SMNDC1: variants seen among roughly 807,000 people sequenced by gnomAD.
The protein encoded by SMNDC1 is survival of motor neuron-related-splicing factor 30.
SMNDC1 carries 5 observed loss-of-function variants against 29.2 expected under a neutral mutation model. The observed-to-expected ratio is 0.17, with a 90% CI of 0.09 to 0.36. The LOEUF is 0.36. Among genes scored for constraint, SMNDC1 ranks in the 10% least tolerant of loss-of-function variants. The pLI is 1.00. For missense variants in SMNDC1, 142 were observed against 268.5 expected (o/e 0.53, Z 3.29); for synonymous variants, 80 against 89.9 (o/e 0.89, Z 0.62).
intron 2 of SMNDC1, among the ~76,000 whole-genome samples, chr10:110,299,786 T>G (rs1033509849): frequency 2.0e-5 from 3 of 152,238 alleles, no homozygotes; most frequent in African/African-American, 7.2e-5. Flanking sequence ...TTGATTCCAG[T>G]AGCCAAGAAA....
intron 5 of SMNDC1, among the ~76,000 whole-genome samples, chr10:110,294,526 C>T (rs1022313047): frequency 6.6e-6 from 1 of 152,174 alleles, no homozygotes; most frequent in East Asian, 1.9e-4. Flanking sequence ...CACTTGCCTT[C>T]TGATACGTCA....
At chr10:110,295,518 A>C in intron 4 of SMNDC1, 137 bp from the exon 5 acceptor site, 1 of 563,944 alleles carries the variant, frequency 1.8e-6, no homozygotes. Context: ...TAAATCATTA[A>C]AATCAGTACC....
At chr10:110,301,394 A>C (rs1204473559) in intron 2 of SMNDC1, among the ~76,000 whole-genome samples, 1 of 152,250 alleles carries the variant, frequency 6.6e-6, no homozygotes, top group Non-Finnish European at 1.5e-5. Flanking sequence ...TCCGTTTTTG[A>C]GTAGTTTTCA....
At chr10:110,298,827 A>G (rs1483483859) in intron 2 of SMNDC1, 37 bp from the exon 3 acceptor site, 4 of 1,511,536 alleles carry the variant, frequency 2.6e-6, no homozygotes, top group East Asian at 2.3e-5. Flanking sequence ...CATTATTTTT[A>G]TAATTCTCAT....
intron 2 of SMNDC1, among the ~76,000 whole-genome samples, 179 bp from the exon 3 acceptor site, chr10:110,298,969 T>C (rs1217863158): frequency 6.6e-6 from 1 of 152,240 alleles, no homozygotes; most frequent in Admixed American, 6.5e-5. Flanking sequence ...CAGTATTGTC[T>C]ACCAGTTAAG....
chr10:110,303,648 C>G lies in SMNDC1; in HGVS notation c.1-61G>C, dbSNP rs1032888587. 11 of 1,513,260 alleles carry G rather than the reference C, an allele frequency of 7.3e-6. No individual in the cohort carries two copies. In the Admixed American group the frequency reaches 2.8e-4, roughly 38 times the overall value. The allele number at this position is 1,513,260 out of a possible 1,614,324, so 93.7% of individuals were successfully genotyped here. On this transcript the variant is annotated intron_variant, in intron 1 of 5. Coordinates refer to ENST00000369603, the MANE Select transcript of SMNDC1 (RefSeq NM_005871.4). ...AAACCAAAAATCAAGGCATAAAAAA[C>G]TAACTCCCCTGTCTGCCTGAATTAC...
At chr10:110,303,977 G>C (rs1292532858) in intron 1 of SMNDC1, 1 of 172,244 alleles carries the variant, frequency 5.8e-6, no homozygotes, top group Admixed American at 6.4e-5. Context: ...TTATTTTTAA[G>C]CACTACAGTA....
intron 2 of SMNDC1, among the ~76,000 whole-genome samples, chr10:110,302,078 TGGTAAA>T (rs1857659061): frequency 6.6e-6 from 1 of 152,200 alleles, no homozygotes. Context: ...CTGCTTAAGT[TGGTAAA>T]GGTAGTCAAG....
At chr10:110,295,834 G>T (rs1375263210) in intron 4 of SMNDC1, among the ~76,000 whole-genome samples, 4 of 152,096 alleles carry the variant, frequency 2.6e-5, no homozygotes, top group African/African-American at 9.7e-5. Flanking sequence ...TAGAGATAGG[G>T]TTTCACCATG....
chr10:110,303,593 G>A lies in SMNDC1; in HGVS notation c.1-6C>T, dbSNP rs777876115. Reference sequence around the variant, plus strand: ...TTTGCTAAATCCTCTGACATCTAGGGAAAATAAAAAGGGTTAGACCATGAA... The same window carrying A: ...TTTGCTAAATCCTCTGACATCTAGGAAAAATAAAAAGGGTTAGACCATGAA... On this transcript the variant is annotated splice_polypyrimidine_tract_variant and splice_region_variant and intron_variant, in intron 1 of 5. Coordinates refer to ENST00000369603, the MANE Select transcript of SMNDC1 (RefSeq NM_005871.4). 5 of 1,575,778 alleles carry A rather than the reference G, an allele frequency of 3.2e-6. No homozygotes were observed. Among genetic ancestry groups the A allele is most frequent in the Non-Finnish European group, 4.3e-6 (5 of 1,167,230 alleles).
intron 2 of SMNDC1, among the ~76,000 whole-genome samples, chr10:110,301,386 C>T (rs1231504985): frequency 2.0e-5 from 3 of 148,732 alleles, no homozygotes; most frequent in South Asian, 2.2e-4. Context: ...AGATGGTTTC[C>T]GTTTTTGAGT....
chr10:110,299,912 A>G (rs1857619753), intron 2 of SMNDC1, among the ~76,000 whole-genome samples: 1 of 152,232 alleles, frequency 6.6e-6, no homozygotes, highest in South Asian at 2.1e-4. Flanking sequence ...AAATAAATAG[A>G]ACACTTAGGT....
intron 5 of SMNDC1, 25 bp downstream of exon 5, chr10:110,295,203 A>T (rs1365216411): frequency 1.3e-6 from 2 of 1,560,094 alleles, no homozygotes; most frequent in Non-Finnish European, 1.7e-6. Flanking sequence ...TCTCAAATTT[A>T]CAAAGTGTAA....
At chr10:110,304,534 C>G (rs187642760) in intron 1 of SMNDC1, 107 of 152,246 alleles carry the variant, frequency 7.0e-4, no homozygotes, top group Middle Eastern at 3.4e-3. Flanking sequence ...ACCCGGTCCC[C>G]TGCGGGCCGT....
At chr10:110,302,987 G>C (rs1012853229) in intron 2 of SMNDC1, among the ~76,000 whole-genome samples, 3 of 151,782 alleles carry the variant, frequency 2.0e-5, no homozygotes, top group African/African-American at 4.8e-5. Flanking sequence ...CATTTTTGTG[G>C]TGTGTTTTCA....
intron 2 of SMNDC1, among the ~76,000 whole-genome samples, chr10:110,302,040 C>T (rs1857658296): frequency 6.6e-6 from 1 of 152,206 alleles, no homozygotes; most frequent in African/African-American, 2.4e-5. Flanking sequence ...AACATTGGCA[C>T]CCAGTGTTTT....
chr10:110,295,124 A>T (rs1482863485), intron 5 of SMNDC1, 104 bp downstream of exon 5: 3 of 1,041,430 alleles, frequency 2.9e-6, no homozygotes, highest in Non-Finnish European at 4.2e-6. Flanking sequence ...ACAAAATCTG[A>T]GTTAATCATA....
intron 4 of SMNDC1, among the ~76,000 whole-genome samples, chr10:110,295,979 T>C (rs12241895): frequency 0.25 from 38,696 of 152,130 alleles, 6,220 homozygotes; most frequent in African/African-American, 0.46. Flanking sequence ...GTATAGCTGT[T>C]ACCAGTTGTT....
chr10:110,295,445 G>A, intron 4 of SMNDC1, 64 bp from the exon 5 acceptor site: 1 of 1,345,374 alleles, frequency 7.4e-7, no homozygotes, highest in Non-Finnish European at 1.0e-6. Flanking sequence ...CTTCCTTGAA[G>A]ACACCGGCAG....
Sources: gnomAD v4.1 joint callset for allele counts (sites outside exome capture counted in the v4.1 genomes callset) on GRCh38, gnomAD v4.1.1 for gene constraint, MANE v1.5 for transcripts, NCBI Gene and HGNC (gene_info 2026-07-23, HGNC 2026-07-21) for gene names.